Variants in KANSL1L observed in about 807,000 individuals in gnomAD.
KANSL1L encodes the protein KAT8 regulatory NSL complex subunit 1 like.
KANSL1L carries 25 observed loss-of-function variants against 108.6 expected under a neutral mutation model. That is an observed-to-expected ratio of 0.23 (90% CI 0.17 to 0.32). KANSL1L has a LOEUF of 0.32. Among genes scored for constraint, KANSL1L ranks in the 10% least tolerant of loss-of-function variants. The pLI is 1.00. For synonymous variants in KANSL1L, 405 were observed against 395.1 expected, an observed-to-expected ratio of 1.03 and a Z score of -0.30; for missense variants, 1,137 against 1,125.7, an observed-to-expected ratio of 1.01 and a Z score of -0.14.
rs1052293399 is a variant in KANSL1L, at chr2:210,170,970, C to T, written c.-30+179G>A. Among the ~76,000 whole-genome samples the T allele has an allele frequency of 2.5e-4, 38 of 152,000 alleles. 1 individual carries two copies. The highest frequency in any genetic ancestry group is 1.2e-3 in the South Asian group (6 of 4,822). On this transcript the variant is annotated intron_variant, in intron 1 of 14. Coordinates refer to ENST00000281772, the MANE Select transcript of KANSL1L (RefSeq NM_152519.4). ...GCGGTCAGACCCCCGCCCTAGAGCG[C>T]GATCCCGTGCCGAGACCAGAGTCCA...
Position 210,104,220 on chromosome 2 carries a change from G to C in KANSL1L, c.1312C>G (p.Leu438Val). ...ACCTGAGGATTCCCTAGAATGTTTA[G>C]TGAAGCTGCTTGGTCTGCAAATTGC... is the stretch of plus-strand genomic sequence containing the variant. ...QMQFADQAASLNILGNPQVPQ... is the reference protein window; with the variant it reads ...QMQFADQAASVNILGNPQVPQ... The change falls in exon 4 of 15, where the codon CTA becomes GTA. Residue 438 changes from leucine to valine, a missense_variant. Transcript: ENST00000281772. 6.2e-7 allele frequency: 1 copy of C among 1,613,850 alleles called. No homozygotes were observed. Among genetic ancestry groups the C allele is most frequent in the Non-Finnish European group, 8.5e-7 (1 of 1,179,794 alleles).
chr2:210,134,422 C>A (rs760468137), intron 2 of KANSL1L, among the ~76,000 whole-genome samples: 1 of 151,922 alleles, frequency 6.6e-6, no homozygotes, highest in Non-Finnish European at 1.5e-5. Flanking sequence ...CACACATGTG[C>A]ACATACATAC....
intron 2 of KANSL1L, among the ~76,000 whole-genome samples, chr2:210,141,827 TTC>T (rs1312135373): frequency 6.6e-6 from 1 of 152,192 alleles, no homozygotes; most frequent in Non-Finnish European, 1.5e-5. Flanking sequence ...TTGTCCTTCA[TTC>T]TGTTAATGTG....
chr2:210,062,142 C>T (rs558702906), intron 6 of KANSL1L, among the ~76,000 whole-genome samples: 18 of 152,172 alleles, frequency 1.2e-4, no homozygotes, highest in African/African-American at 3.6e-4. Context: ...GAGATGTAAT[C>T]GAATCATGGG....
At chr2:210,068,313 T>C (rs1395269232) in intron 6 of KANSL1L, among the ~76,000 whole-genome samples, 2 of 152,202 alleles carry the variant, frequency 1.3e-5, no homozygotes, top group East Asian at 1.9e-4. Context: ...TTTTTAGCCA[T>C]TTAAAAATAT....
intron 5 of KANSL1L, chr2:210,097,156 G>T: frequency 1.7e-6 from 1 of 575,584 alleles, no homozygotes; most frequent in Non-Finnish European, 2.2e-6. Context: ...TGTTGGCCAG[G>T]CTGATCTCGA....
intron 2 of KANSL1L, among the ~76,000 whole-genome samples, chr2:210,137,776 A>G (rs2095187853): frequency 6.6e-6 from 1 of 152,146 alleles, no homozygotes; most frequent in Non-Finnish European, 1.5e-5. Context: ...CATGCCTGTA[A>G]TACCAGCACT....
intron 6 of KANSL1L, among the ~76,000 whole-genome samples, chr2:210,055,680 C>T (rs1055836655): frequency 6.6e-6 from 1 of 152,132 alleles, no homozygotes; most frequent in African/African-American, 2.4e-5. Flanking sequence ...GATTCTTGCC[C>T]TGTGTTAGAA....
At position 210,074,650 on chromosome 2, in the gene KANSL1L, G is replaced by A. The variant is rs527911925; in HGVS notation, c.1755+902C>T. ...GATTACAGGAATAAGCCACCGTGCC[G>A]GGCAGGAAAAGTCTTTCAATGAAAG... On this transcript the variant is annotated intron_variant, in intron 6 of 14. Coordinates refer to ENST00000281772, the MANE Select transcript of KANSL1L (RefSeq NM_152519.4). Among the ~76,000 whole-genome samples, 6 of 152,114 alleles carry A rather than the reference G, an allele frequency of 3.9e-5. No homozygotes were observed. The South Asian group carries it at 6.2e-4, about 16-fold the overall frequency.
At chr2:210,077,058 G>T (rs993038093) in intron 5 of KANSL1L, among the ~76,000 whole-genome samples, 6 of 152,086 alleles carry the variant, frequency 3.9e-5, no homozygotes, top group Non-Finnish European at 7.4e-5. Flanking sequence ...TTAGCTTGTG[G>T]ATAAAGTAAA....
intron 12 of KANSL1L, 23 bp from the exon 13 acceptor site, chr2:210,025,239 TTG>T (rs1281517512): frequency 7.2e-7 from 1 of 1,381,256 alleles, no homozygotes; most frequent in South Asian, 1.2e-5. Context: ...ATAAAGATTT[TTG>T]TTTTAATCAG....
At position 210,037,443 on chromosome 2, in the gene KANSL1L, C is replaced by T. The variant is rs539449889; in HGVS notation, c.2029+2977G>A. Among the ~76,000 whole-genome samples the T allele has an allele frequency of 2.6e-5, 4 of 152,242 alleles. No individual in the cohort carries two copies. In the South Asian group the frequency reaches 8.3e-4, roughly 32 times the overall value. ...GGACAAATTCCAACAAGTGAAATCGCATCATTAAAAGGTAACTGCACATAA... is the reference window on the plus strand; with the variant it reads ...GGACAAATTCCAACAAGTGAAATCGTATCATTAAAAGGTAACTGCACATAA... On this transcript the variant is annotated intron_variant, in intron 8 of 14. Transcript: ENST00000281772.
chr2:210,086,092 A>T (rs1463265807), intron 5 of KANSL1L, among the ~76,000 whole-genome samples: 1 of 151,918 alleles, frequency 6.6e-6, no homozygotes, highest in African/African-American at 2.4e-5. Context: ...TTGCCAGCCT[A>T]ACTGCAGTTT....
intron 1 of KANSL1L, among the ~76,000 whole-genome samples, chr2:210,158,616 T>C (rs749713684): frequency 6.6e-6 from 1 of 152,040 alleles, no homozygotes; most frequent in East Asian, 1.9e-4. Flanking sequence ...TAAGCTCTAG[T>C]CTATGAAAGT....
chr2:210,156,449 G>A (rs1460423146), intron 1 of KANSL1L, among the ~76,000 whole-genome samples: 4 of 151,444 alleles, frequency 2.6e-5, no homozygotes, highest in Non-Finnish European at 5.9e-5. Flanking sequence ...ACAAAACAGA[G>A]AATAAAATGT....
At chr2:210,139,572 C>A (rs993256631) in intron 2 of KANSL1L, among the ~76,000 whole-genome samples, 1 of 152,012 alleles carries the variant, frequency 6.6e-6, no homozygotes, top group Non-Finnish European at 1.5e-5. Context: ...ATTTGTTATT[C>A]TTTTTCTTGT....
chr2:210,101,870 T>G (rs1427379498), intron 4 of KANSL1L, among the ~76,000 whole-genome samples: 1 of 152,164 alleles, frequency 6.6e-6, no homozygotes, highest in Non-Finnish European at 1.5e-5. Context: ...TCCTTGTATG[T>G]CAGAAAAACT....
chr2:210,145,681 A>G (rs1432790848), intron 2 of KANSL1L, among the ~76,000 whole-genome samples: 1 of 152,124 alleles, frequency 6.6e-6, no homozygotes, highest in African/African-American at 2.4e-5. Context: ...GTGGTCTAGT[A>G]TATTGTGAAG....
chr2:210,043,827 A>G (rs1349862394), intron 7 of KANSL1L, 112 bp downstream of exon 7: 1 of 699,380 alleles, frequency 1.4e-6, no homozygotes, highest in Admixed American at 2.9e-5. Flanking sequence ...TAGTTCTAAT[A>G]TCTACTGAAA....
Sources: gnomAD v4.1 joint callset for allele counts (sites outside exome capture counted in the v4.1 genomes callset) on GRCh38, gnomAD v4.1.1 for gene constraint, MANE v1.5 for transcripts, NCBI Gene and HGNC (gene_info 2026-07-23, HGNC 2026-07-21) for gene names.